Variants in ERI1 observed in about 807,000 individuals in gnomAD.
The protein encoded by ERI1 is exoribonuclease 1, also known as 3'-5' exoribonuclease 1.
A neutral mutation model predicts 39.7 loss-of-function variants in ERI1; 39 were observed. The observed-to-expected ratio is 0.98, with a 90% CI of 0.76 to 1.28. The LOEUF (loss-of-function observed/expected upper bound fraction) is 1.28. Ranked by LOEUF, ERI1 falls within the 50% of genes most tolerant of loss-of-function variation. ERI1 has a pLI of 0.00. For missense variants in ERI1, 581 were observed against 416.9 expected (o/e 1.39, Z -3.43); for synonymous variants, 204 against 149.6 (o/e 1.36, Z -2.65).
downstream of ERI1, among the ~76,000 whole-genome samples, chr8:9,037,960 C>G (rs7016139): frequency 1.3e-5 from 2 of 151,192 alleles, no homozygotes; most frequent in African/African-American, 2.4e-5. Flanking sequence ...TGCCTTTCCT[C>G]TGTGTTGAGC....
In ERI1 at chr8:9,011,455, G is replaced by T. The variant is rs768044344; in HGVS notation, c.288-87G>T. On this transcript the variant is annotated intron_variant, in intron 2 of 6. Transcript: ENST00000250263. ...TTGCTAAATTTCGCTGTGATTGTCA[G>T]TGTTCAGCCCAGTGCCAGCAGGTGA... 39 of 754,996 alleles carry T rather than the reference G, an allele frequency of 5.2e-5. No individual in the cohort carries two copies. In the Admixed American group the frequency reaches 6.2e-4, roughly 12 times the overall value. The allele number at this position is 754,996 out of a possible 1,614,324, so 46.8% of individuals were successfully genotyped here.
At chr8:9,027,967 A>G (rs573776111) in intron 6 of ERI1, among the ~76,000 whole-genome samples, 1 of 152,172 alleles carries the variant, frequency 6.6e-6, no homozygotes, top group Non-Finnish European at 1.5e-5. Flanking sequence ...TGCTGATTTA[A>G]ATTTGCTTAT....
At chr8:9,010,013 G>A (rs76904717) in intron 2 of ERI1, among the ~76,000 whole-genome samples, 7,671 of 152,262 alleles carry the variant, frequency 0.05, 271 homozygotes, top group Non-Finnish European at 0.076. Flanking sequence ...TGGTGTTAGT[G>A]CTCAGTTCTC....
intron 3 of ERI1, among the ~76,000 whole-genome samples, chr8:9,098,123 C>A (rs1267495260): frequency 6.6e-6 from 1 of 152,196 alleles, no homozygotes; most frequent in East Asian, 1.9e-4. Context: ...GTGGCTCACA[C>A]CTGTAATTCC....
At chr8:9,079,204 A>C (rs1233454449) in intron 3 of ERI1, among the ~76,000 whole-genome samples, 3 of 152,212 alleles carry the variant, frequency 2.0e-5, no homozygotes, top group African/African-American at 4.8e-5. Context: ...TGCTGACAGC[A>C]GGCCTTTGGT....
At chr8:9,081,684 G>GTGTT (rs1799373090) in intron 3 of ERI1, among the ~76,000 whole-genome samples, 1 of 101,454 alleles carries the variant, frequency 9.9e-6, no homozygotes, top group Non-Finnish European at 2.1e-5. Flanking sequence ...TTCTTCTTTT[G>GTGTT]TTTTTGTTTT....
chr8:9,073,735 C>T (rs778859659), intron 3 of ERI1, among the ~76,000 whole-genome samples: 3 of 152,092 alleles, frequency 2.0e-5, no homozygotes, highest in Non-Finnish European at 4.4e-5. Context: ...CCTCTTATTT[C>T]TTAAACAGGC....
At chr8:9,044,628 G>A (rs551705522) in intron 3 of ERI1, among the ~76,000 whole-genome samples, 1 of 152,108 alleles carries the variant, frequency 6.6e-6, no homozygotes, top group African/African-American at 2.4e-5. Context: ...GCTCTTTCAG[G>A]TGGAAACACA....
chr8:9,016,967 G>A (rs1817366991), intron 4 of ERI1, among the ~76,000 whole-genome samples: 2 of 152,180 alleles, frequency 1.3e-5, no homozygotes, highest in African/African-American at 4.8e-5. Context: ...ACAGACGTGA[G>A]CCACCATGCC....
In ERI1 at chr8:9,030,582, T is replaced by C. The variant is rs1214267947; in HGVS notation, c.*548T>C. 1 of 153,518 alleles carries C rather than the reference T, an allele frequency of 6.5e-6. No homozygotes were observed. The highest frequency in any genetic ancestry group is 1.9e-4 in the East Asian group (1 of 5,220). 9.5% of individuals were successfully genotyped at this position (153,518 alleles called of 1,614,324 possible). A position where few individuals can be genotyped will look rare whatever the true frequency, so the allele number is the denominator to read the frequency against. On this transcript the variant is annotated 3_prime_UTR_variant, in exon 7 of 7. Transcript: ENST00000250263. ...GGTATACATATCTGCCTATGTTTCT[T>C]TTCAACTCATAATTGGAAGAATTAT...
At chr8:9,026,027 T>A (rs765508419) in intron 6 of ERI1, among the ~76,000 whole-genome samples, 5 of 152,186 alleles carry the variant, frequency 3.3e-5, no homozygotes, top group Non-Finnish European at 5.9e-5. Flanking sequence ...TCTGGTTGTT[T>A]GGCATCATCT....
chr8:9,074,467 G>T (rs1799145641), intron 3 of ERI1, among the ~76,000 whole-genome samples: 1 of 152,030 alleles, frequency 6.6e-6, no homozygotes. Context: ...TTTGAGACAA[G>T]GTCTTGCTCT....
chr8:9,072,806 GAGA>G (rs1263354620), intron 3 of ERI1, among the ~76,000 whole-genome samples: 4 of 151,990 alleles, frequency 2.6e-5, no homozygotes, highest in African/African-American at 7.3e-5. Context: ...GCCCCAGAGA[GAGA>G]AGCAGAGGGT....
intron 3 of ERI1, among the ~76,000 whole-genome samples, chr8:9,099,384 C>G (rs75305559): frequency 0.027 from 4,121 of 151,940 alleles, 160 homozygotes; most frequent in South Asian, 0.12. Flanking sequence ...TTGCTTGAGC[C>G]CAGGAGTTCA....
chr8:9,051,496 A>C (rs1361481198), intron 3 of ERI1, among the ~76,000 whole-genome samples: 1 of 152,080 alleles, frequency 6.6e-6, no homozygotes, highest in Non-Finnish European at 1.5e-5. Flanking sequence ...ATCTCTACTA[A>C]AAATACAAAA....
intron 3 of ERI1, among the ~76,000 whole-genome samples, chr8:9,069,401 AG>A (rs1798980463): frequency 6.6e-6 from 1 of 152,212 alleles, no homozygotes; most frequent in South Asian, 2.1e-4. Flanking sequence ...GATTTTTAAA[AG>A]GTGTGGTAAC....
chr8:9,066,160 T>C (rs1428042722), intron 3 of ERI1, among the ~76,000 whole-genome samples: 1 of 152,198 alleles, frequency 6.6e-6, no homozygotes, highest in Admixed American at 6.5e-5. Flanking sequence ...TTCTTCCTCC[T>C]CCTCTTCCTC....
Position 9,011,527 on chromosome 8 carries a change from T to C in ERI1, c.288-15T>C. 6.5e-7 allele frequency: 1 copy of C among 1,549,232 alleles called. No individual in the cohort carries two copies. The highest frequency in any genetic ancestry group is 1.4e-5 in the African/African-American group (1 of 72,806). ...GAATTTACCTAAGTGTAACTAGTCT[T>C]CTTCTTCTACTTAGAGGAGTAAAGG... On this transcript the variant is annotated splice_polypyrimidine_tract_variant and intron_variant, in intron 2 of 6. Coordinates refer to ENST00000250263, the MANE Select transcript of ERI1 (RefSeq NM_153332.4).
intron 4 of ERI1, among the ~76,000 whole-genome samples, chr8:9,017,316 G>T (rs1026976231): frequency 4.2e-4 from 64 of 152,152 alleles, no homozygotes; most frequent in African/African-American, 1.5e-3. Context: ...GGGATTACGG[G>T]CATGAGCCAC....
Sources: allele counts gnomAD v4.1 joint callset (sites outside exome capture counted in the v4.1 genomes callset), GRCh38; gene constraint gnomAD v4.1.1; transcripts MANE v1.5; gene names NCBI Gene and HGNC (gene_info 2026-07-23, HGNC 2026-07-21).